The following GLIS3 variants were observed in gnomAD, a reference collection of about 807,000 sequenced individuals.
GLIS3 encodes the protein GLIS family zinc finger 3, also known as zinc finger protein GLIS3.
GLIS3 carries 53 observed loss-of-function variants against 78.6 expected under a neutral mutation model. The observed-to-expected ratio is 0.67, with a 90% CI of 0.54 to 0.85. The LOEUF (loss-of-function observed/expected upper bound fraction) is 0.85. GLIS3 is among the 40% of genes least tolerant of loss of function. The pLI is 0.00. For missense variants in GLIS3, 1,703 were observed against 1,231.1 expected (o/e 1.38, Z -5.74); for synonymous variants, 684 against 509.9 (o/e 1.34, Z -4.60).
chr9:3,921,511 G>A (rs1369605635), intron 6 of GLIS3, among the ~76,000 whole-genome samples: 1 of 152,162 alleles, frequency 6.6e-6, no homozygotes, highest in East Asian at 1.9e-4. Context: ...CAGAAGAGTA[G>A]TTTCACTAAA....
chr9:3,830,784 T>A (rs767529000), intron 9 of GLIS3, among the ~76,000 whole-genome samples: 1 of 152,174 alleles, frequency 6.6e-6, no homozygotes, highest in Non-Finnish European at 1.5e-5. Context: ...ATGAACCACC[T>A]ATCAAAAGAG....
intron 8 of GLIS3, among the ~76,000 whole-genome samples, chr9:3,860,291 A>C (rs903058104): frequency 1.3e-5 from 2 of 149,138 alleles, no homozygotes; most frequent in African/African-American, 2.5e-5. Context: ...AAAAAAAAAA[A>C]AAAAAAAAAA....
chr9:4,089,223 T>C (rs925950223), intron 4 of GLIS3, among the ~76,000 whole-genome samples: 6 of 152,196 alleles, frequency 3.9e-5, no homozygotes, highest in Admixed American at 3.9e-4. Context: ...ACTGATCCAT[T>C]GTATAAATGG....
intron 1 of GLIS3, among the ~76,000 whole-genome samples, chr9:4,287,986 G>A (rs553474340): frequency 6.6e-6 from 1 of 152,084 alleles, no homozygotes; most frequent in Non-Finnish European, 1.5e-5. Flanking sequence ...ATACTATCAT[G>A]CCATCTAGTT....
chr9:4,079,328 T>A (rs981502063), intron 4 of GLIS3, among the ~76,000 whole-genome samples: 2 of 152,204 alleles, frequency 1.3e-5, no homozygotes, highest in Non-Finnish European at 2.9e-5. Context: ...AGGCTTAAGA[T>A]CCTAGTCAAA....
intron 2 of GLIS3, among the ~76,000 whole-genome samples, chr9:4,268,218 A>C (rs564791731): frequency 1.7e-3 from 254 of 149,216 alleles, no homozygotes; most frequent in Non-Finnish European, 3.0e-3. Flanking sequence ...TTTGTAAAAC[A>C]GGAGTCATAA....
chr9:4,471,191 T>G, the GLIS3 span, among the ~76,000 whole-genome samples: 4 of 152,242 alleles, frequency 2.6e-5, no homozygotes, highest in Non-Finnish European at 4.4e-5. Flanking sequence ...CAAAGTCATT[T>G]ATAGATTCAA....
rs1246216361 is a variant in GLIS3, at chr9:4,117,997, T to C, written c.1481A>G (p.Asp494Gly). The C allele has an allele frequency of 1.9e-6, 3 of 1,609,890 alleles. No homozygotes were observed. Among genetic ancestry groups the C allele is most frequent in the African/African-American group, 1.3e-5 (1 of 74,746 alleles). The change falls in exon 4 of 11, where the codon GAC (aspartate) becomes GGC (glycine). Residue 494 changes from aspartate to glycine, a missense_variant. Transcript: ENST00000381971. Reference protein sequence around the residue: ...QATLDDDGEMDGIGGKHCCRW... With the variant: ...QATLDDDGEMGGIGGKHCCRW... ...GCAGCAATGCTTGCCCCCGATGCCG[T>C]CCATCTCCCCGTCGTCGTCCAGGGT...
chr9:4,208,659 C>T (rs73398486), intron 2 of GLIS3, among the ~76,000 whole-genome samples: 3,779 of 152,234 alleles, frequency 0.025, 169 homozygotes, highest in African/African-American at 0.086. Context: ...TAGTATGTTC[C>T]GCACTTGGGT....
At chr9:4,053,368 G>C (rs908018489) in intron 4 of GLIS3, among the ~76,000 whole-genome samples, 2 of 152,006 alleles carry the variant, frequency 1.3e-5, no homozygotes, top group Admixed American at 1.3e-4. Flanking sequence ...AGAACCTTTT[G>C]GTCAAGCAAG....
In GLIS3 at chr9:3,946,604, G is replaced by C. The variant is rs1419657838; in HGVS notation, c.1711-9415C>G. Among the ~76,000 whole-genome samples, 3 of 152,180 alleles carry C rather than the reference G, an allele frequency of 2.0e-5. No individual in the cohort carries two copies. In the East Asian group the frequency reaches 5.8e-4, roughly 29 times the overall value. On this transcript the variant is annotated intron_variant, in intron 4 of 10. Coordinates refer to ENST00000381971, the MANE Select transcript of GLIS3 (RefSeq NM_001042413.2). ...AGGAAAAATACTAATAACAACATAT[G>C]GTTGTATTTTTGTGAATGTGATGCA...
chr9:4,221,722 C>A (rs975744360), intron 2 of GLIS3, among the ~76,000 whole-genome samples: 1 of 152,158 alleles, frequency 6.6e-6, no homozygotes, highest in Non-Finnish European at 1.5e-5. Context: ...CATATGGAAA[C>A]ACATTACAAA....
At chr9:4,246,473 G>A (rs1234476065) in intron 2 of GLIS3, among the ~76,000 whole-genome samples, 2 of 152,164 alleles carry the variant, frequency 1.3e-5, no homozygotes, top group African/African-American at 4.8e-5. Context: ...GTCTTATACG[G>A]CTACCATTTC....
chr9:4,305,769 A>C (rs1486235164), intron 4 of GLIS3: 1 of 152,198 alleles, frequency 6.6e-6, no homozygotes, highest in Non-Finnish European at 1.5e-5. Context: ...AGAGAAAAAA[A>C]AAGTGAAACT....
chr9:4,110,120 C>T (rs375792156), intron 4 of GLIS3, among the ~76,000 whole-genome samples: 4 of 152,242 alleles, frequency 2.6e-5, no homozygotes, highest in African/African-American at 9.6e-5. Context: ...GGCTTGCACT[C>T]AGTGATCAAA....
intron 1 of GLIS3, among the ~76,000 whole-genome samples, chr9:4,287,657 T>A (rs1211126909): frequency 2.0e-5 from 3 of 151,974 alleles, no homozygotes; most frequent in Admixed American, 2.0e-4. Flanking sequence ...AAGTGGATGA[T>A]TCCTAATTTT....
intron 2 of GLIS3, among the ~76,000 whole-genome samples, chr9:4,284,823 C>T (rs1369621594): frequency 4.6e-5 from 7 of 151,878 alleles, no homozygotes; most frequent in African/African-American, 1.7e-4. Flanking sequence ...GGGACTGAAG[C>T]AGGAGGATCA....
the GLIS3 span, among the ~76,000 whole-genome samples, chr9:4,399,020 C>T: frequency 5.9e-5 from 9 of 152,196 alleles, no homozygotes; most frequent in African/African-American, 2.2e-4. Flanking sequence ...GTTTTCTGCT[C>T]TGCTTTCATA....
intron 4 of GLIS3, among the ~76,000 whole-genome samples, chr9:4,008,959 T>C (rs1168314480): frequency 1.3e-5 from 2 of 152,160 alleles, no homozygotes; most frequent in East Asian, 1.9e-4. Flanking sequence ...CACTACAGCA[T>C]GTGTTCTTCA....
Sources: gnomAD v4.1 joint callset for allele counts (sites outside exome capture counted in the v4.1 genomes callset) on GRCh38, gnomAD v4.1.1 for gene constraint, MANE v1.5 for transcripts, NCBI Gene and HGNC (gene_info 2026-07-23, HGNC 2026-07-21) for gene names.